ADGRL4: variants seen among roughly 807,000 people sequenced by gnomAD.
ADGRL4 encodes adhesion G protein-coupled receptor L4, also known as EGF, latrophilin and seven transmembrane domain containing 1.
In ADGRL4, 90 loss-of-function variants were observed where a neutral mutation model predicts 74.8. That is an observed-to-expected ratio of 1.20 (90% CI 1.02 to 1.43). The LOEUF is 1.43. Among genes scored for constraint, ADGRL4 ranks in the 40% most tolerant of loss-of-function variants. ADGRL4 has a pLI of 0.00. For missense variants in ADGRL4, 881 were observed against 814.3 expected (o/e 1.08, Z -1.00); for synonymous variants, 311 against 279.2 (o/e 1.11, Z -1.14).
chr1:78,926,806 A>C, intron 8 of ADGRL4, 80 bp downstream of exon 8: 1 of 1,008,602 alleles, frequency 9.9e-7, no homozygotes, highest in East Asian at 2.5e-5. Flanking sequence ...GAACTCAGAT[A>C]ATTTAAGTGA....
chr1:78,891,730 C>T (rs369288961), intron 13 of ADGRL4, 38 bp from the exon 14 acceptor site: 35 of 1,557,722 alleles, frequency 2.2e-5, no homozygotes, highest in African/African-American at 1.2e-4. Context: ...AAGAAAGCTA[C>T]GTATAGTCAA....
At chr1:79,001,564 T>C (rs1650845350) in intron 2 of ADGRL4, among the ~76,000 whole-genome samples, 1 of 152,176 alleles carries the variant, frequency 6.6e-6, no homozygotes, top group Non-Finnish European at 1.5e-5. Context: ...TACATATTTA[T>C]ACAATTTTAA....
chr1:78,927,225 A>G (rs549448481), intron 7 of ADGRL4, 134 bp from the exon 8 acceptor site: 32 of 626,024 alleles, frequency 5.1e-5, no homozygotes, highest in Non-Finnish European at 8.6e-5. Context: ...ATACTGAAAT[A>G]TAGACCACAA....
intron 2 of ADGRL4, among the ~76,000 whole-genome samples, chr1:78,961,414 T>C (rs1204924468): frequency 6.6e-6 from 1 of 152,290 alleles, no homozygotes; most frequent in East Asian, 1.9e-4. Context: ...GTGCTGGGAT[T>C]ACAGGCGTGA....
At chr1:78,983,500 T>C (rs931472017) in intron 2 of ADGRL4, among the ~76,000 whole-genome samples, 2 of 148,460 alleles carry the variant, frequency 1.3e-5, no homozygotes, top group Non-Finnish European at 3.0e-5. Context: ...GAACAACAGA[T>C]TAAATATAGC....
intron 12 of ADGRL4, among the ~76,000 whole-genome samples, chr1:78,899,892 C>A (rs960883960): frequency 2.6e-5 from 4 of 151,956 alleles, no homozygotes; most frequent in Non-Finnish European, 5.9e-5. Flanking sequence ...AAAAAAATGT[C>A]CACACCTTGA....
At chr1:78,945,177 A>AAT (rs36107474) in intron 3 of ADGRL4, among the ~76,000 whole-genome samples, 19,215 of 127,290 alleles carry the variant, frequency 0.15, 1,675 homozygotes, top group Admixed American at 0.2. Flanking sequence ...AAAAAAAAAA[A>AAT]ATATATATAT....
At chr1:78,990,323 T>A (rs1434711271) in intron 2 of ADGRL4, among the ~76,000 whole-genome samples, 1 of 151,876 alleles carries the variant, frequency 6.6e-6, no homozygotes, top group African/African-American at 2.4e-5. Flanking sequence ...AGTTAAGAAA[T>A]TGATATGGAA....
chr1:78,906,326 GT>G (rs1247958234), intron 12 of ADGRL4, among the ~76,000 whole-genome samples: 1 of 151,868 alleles, frequency 6.6e-6, no homozygotes, highest in Non-Finnish European at 1.5e-5. Flanking sequence ...TTTTTAACAT[GT>G]TTCCATTAGG....
In ADGRL4 at chr1:79,001,698, A is replaced by G. The variant is rs572687240; in HGVS notation, c.172+3372T>C. Reference sequence around the variant, plus strand: ...TATGATAAAAATAAGCTGACAGACCATCTTTTTAGGTAAGCAAATTATACT... The same window carrying G: ...TATGATAAAAATAAGCTGACAGACCGTCTTTTTAGGTAAGCAAATTATACT... On this transcript the variant is annotated intron_variant, in intron 2 of 14. Transcript: ENST00000370742. 9.2e-5 allele frequency among the ~76,000 whole-genome samples: 14 copies of G among 152,212 alleles called. No individual in the cohort carries two copies. The South Asian group carries it at 2.9e-3, about 32-fold the overall frequency.
At chr1:78,991,041 A>C (rs1183396539) in intron 2 of ADGRL4, among the ~76,000 whole-genome samples, 1 of 152,070 alleles carries the variant, frequency 6.6e-6, no homozygotes, top group African/African-American at 2.4e-5. Context: ...TTGCCGGTAC[A>C]TGTCAACTTT....
intron 2 of ADGRL4, among the ~76,000 whole-genome samples, chr1:78,949,511 T>G (rs1649679880): frequency 6.6e-6 from 1 of 152,148 alleles, no homozygotes; most frequent in Non-Finnish European, 1.5e-5. Flanking sequence ...AAAATACCAC[T>G]TATCTGAAAG....
At chr1:78,939,446 G>A (rs1649429349) in intron 3 of ADGRL4, among the ~76,000 whole-genome samples, 188 bp from the exon 4 acceptor site, 1 of 151,844 alleles carries the variant, frequency 6.6e-6, no homozygotes, top group Admixed American at 6.6e-5. Context: ...GGTTTTAAGG[G>A]CCAAGAAATG....
chr1:78,955,810 T>C (rs375170388), intron 2 of ADGRL4, among the ~76,000 whole-genome samples: 24 of 152,138 alleles, frequency 1.6e-4, no homozygotes, highest in Non-Finnish European at 2.8e-4. Context: ...CCAGGTTTAC[T>C]TATGAATGAG....
In ADGRL4 at chr1:78,919,590, C is replaced by T. The variant is rs138859809; in HGVS notation, c.1461+593G>A. Among the ~76,000 whole-genome samples the T allele has an allele frequency of 1.4e-4, 21 of 152,018 alleles. No individual in the cohort carries two copies. In the East Asian group the frequency reaches 3.1e-3, roughly 23 times the overall value. On this transcript the variant is annotated intron_variant, in intron 10 of 14. Coordinates refer to ENST00000370742, the MANE Select transcript of ADGRL4 (RefSeq NM_022159.4). ...ATACCTGAATCTTGGTCTGATAGCT[C>T]TCCAAGCCTCTCTCTTCCCATTTGC...
chr1:78,922,386 G>C (rs532758089), intron 8 of ADGRL4, among the ~76,000 whole-genome samples: 1 of 152,056 alleles, frequency 6.6e-6, no homozygotes, highest in South Asian at 2.1e-4. Flanking sequence ...CTGACCAGAG[G>C]CATTCCAGAA....
intron 2 of ADGRL4, among the ~76,000 whole-genome samples, chr1:78,952,967 T>C (rs1479879308): frequency 3.3e-5 from 5 of 152,182 alleles, no homozygotes; most frequent in African/African-American, 1.2e-4. Context: ...CACTTACTTA[T>C]TTTCTGAGGG....
intron 3 of ADGRL4, among the ~76,000 whole-genome samples, chr1:78,945,173 A>ATAT (rs1553136474): frequency 2.6e-5 from 3 of 115,946 alleles, no homozygotes; most frequent in African/African-American, 1.0e-4. Flanking sequence ...TCAAAAAAAA[A>ATAT]AAAAATATAT....
intron 13 of ADGRL4, among the ~76,000 whole-genome samples, 171 bp from the exon 14 acceptor site, chr1:78,891,863 G>A (rs572866298): frequency 3.1e-4 from 47 of 152,240 alleles, no homozygotes; most frequent in South Asian, 2.3e-3. Context: ...AGGTGTGACA[G>A]CATTTAGGGT....
Sources: gnomAD v4.1 joint callset for allele counts (sites outside exome capture counted in the v4.1 genomes callset) on GRCh38, gnomAD v4.1.1 for gene constraint, MANE v1.5 for transcripts, NCBI Gene and HGNC (gene_info 2026-07-23, HGNC 2026-07-21) for gene names.